The following ETV6 variants were observed in gnomAD, a reference collection of about 807,000 sequenced individuals.
ETV6 encodes the protein transcription factor ETV6.
In ETV6, 16 loss-of-function variants were observed where a neutral mutation model predicts 51.1. That is an observed-to-expected ratio of 0.31 (90% confidence interval 0.21 to 0.48). The LOEUF is 0.48. ETV6 is among the 20% of genes least tolerant of loss of function. ETV6 has a pLI of 0.99. For missense variants in ETV6, 458 were observed against 594.8 expected (o/e 0.77, Z 2.39); for synonymous variants, 240 against 224.1 (o/e 1.07, Z -0.64).
intron 5 of ETV6, among the ~76,000 whole-genome samples, chr12:11,877,180 C>CAA (rs1344491521): frequency 6.6e-6 from 1 of 152,208 alleles, no homozygotes; most frequent in Admixed American, 6.5e-5. Context: ...CAGTTTGAGG[C>CAA]TTATCCTCAG....
intron 2 of ETV6, among the ~76,000 whole-genome samples, chr12:11,831,370 C>T (rs923625062): frequency 2.6e-5 from 4 of 152,122 alleles, no homozygotes; most frequent in Non-Finnish European, 4.4e-5. Context: ...GGATTACAGG[C>T]GCCTGCCACC....
rs150101685 is a variant in ETV6, at chr12:11,862,790, G to A, written c.464-6634G>A. On this transcript the variant is annotated intron_variant, in intron 4 of 7. Coordinates refer to ENST00000396373, the MANE Select transcript of ETV6 (RefSeq NM_001987.5). ...ACTAGGGGTTAGGACTTCAACTTAT[G>A]AATTTTGGGGGAGAGATAGTCAACC... 9.5e-3 allele frequency among the ~76,000 whole-genome samples: 1,447 copies of A among 152,292 alleles called. 13 individuals carry two copies. Among genetic ancestry groups the A allele is most frequent in the African/African-American group, 0.033 (1,362 of 41,558 alleles).
intron 2 of ETV6, among the ~76,000 whole-genome samples, chr12:11,824,652 G>A (rs140757546): frequency 1.1e-4 from 17 of 152,334 alleles, no homozygotes; most frequent in Non-Finnish European, 2.4e-4. Context: ...GGTGATGCAT[G>A]CCTGTAATCC....
At chr12:11,762,577 T>C (rs1472791922) in intron 2 of ETV6, among the ~76,000 whole-genome samples, 1 of 152,190 alleles carries the variant, frequency 6.6e-6, no homozygotes, top group Non-Finnish European at 1.5e-5. Context: ...AAAAGCACAG[T>C]TGGCAAGGGA....
intron 2 of ETV6, among the ~76,000 whole-genome samples, chr12:11,777,405 TAGA>T (rs1945345798): frequency 6.6e-6 from 1 of 152,022 alleles, no homozygotes; most frequent in Non-Finnish European, 1.5e-5. Context: ...TATCTCTAGG[TAGA>T]AGGATTGTGG....
chr12:11,749,349 A>ACACACC lies in ETV6; in HGVS notation c.34-3100_34-3099insACACCC, dbSNP rs1555123226. On this transcript the variant is annotated intron_variant, in intron 1 of 7. Coordinates refer to ENST00000396373, the MANE Select transcript of ETV6 (RefSeq NM_001987.5). Reference sequence around the variant, plus strand: ...CACACACACACACACACACACACACACCCCTACTCCCCATAATGTTAAAAG... The same window carrying ACACACC: ...CACACACACACACACACACACACACACACACCCCCCTACTCCCCATAATGTTAAAAG... Among the ~76,000 whole-genome samples, 4 of 123,668 alleles carry ACACACC rather than the reference A, an allele frequency of 3.2e-5. No homozygotes were observed. The East Asian group carries it at 9.4e-4, about 29-fold the overall frequency. The allele number at this position is 123,668 out of a possible 152,430, so 81.1% of individuals were successfully genotyped here. A position where few individuals can be genotyped will look rare whatever the true frequency, so the allele number is the denominator to read the frequency against.
chr12:11,783,640 G>A (rs1239734760), intron 2 of ETV6, among the ~76,000 whole-genome samples: 1 of 152,152 alleles, frequency 6.6e-6, no homozygotes, highest in African/African-American at 2.4e-5. Context: ...GTGATTTATG[G>A]AACAGAGTCC....
At chr12:11,788,949 C>T (rs1945533072) in intron 2 of ETV6, among the ~76,000 whole-genome samples, 2 of 152,010 alleles carry the variant, frequency 1.3e-5, no homozygotes, top group South Asian at 4.1e-4. Context: ...GTCACCTACT[C>T]TTTTATGGTT....
chr12:11,773,325 A>AT (rs905131547), intron 2 of ETV6, among the ~76,000 whole-genome samples: 13 of 151,194 alleles, frequency 8.6e-5, no homozygotes, highest in East Asian at 1.9e-4. Flanking sequence ...ATATATATAA[A>AT]TTTTTTTTTA....
intron 5 of ETV6, among the ~76,000 whole-genome samples, chr12:11,883,923 C>T (rs1947145769): frequency 1.3e-5 from 2 of 152,218 alleles, no homozygotes; most frequent in Non-Finnish European, 2.9e-5. Flanking sequence ...ACTCCTCACT[C>T]CTTTTTGCTG....
chr12:11,707,002 T>C (rs769175262), intron 1 of ETV6, among the ~76,000 whole-genome samples: 35 of 152,200 alleles, frequency 2.3e-4, no homozygotes, highest in Non-Finnish European at 4.0e-4. Context: ...AAGGGTCTAT[T>C]GTTCCCAGGG....
intron 2 of ETV6, among the ~76,000 whole-genome samples, chr12:11,793,401 A>G (rs1481761679): frequency 6.6e-6 from 1 of 152,248 alleles, no homozygotes; most frequent in Non-Finnish European, 1.5e-5. Flanking sequence ...TGCCTGGCCC[A>G]TAGGACTTTA....
At chr12:11,754,408 C>G (rs747639306) in intron 2 of ETV6, among the ~76,000 whole-genome samples, 4 of 152,196 alleles carry the variant, frequency 2.6e-5, no homozygotes, top group Non-Finnish European at 5.9e-5. Flanking sequence ...AGGAGGCCCT[C>G]GCTCCTGGTT....
Position 11,792,900 on chromosome 12 carries a change from A to G in ETV6, c.163+40321A>G, listed in dbSNP as rs1388530669. 4.6e-5 allele frequency among the ~76,000 whole-genome samples: 7 copies of G among 152,280 alleles called. 1 individual carries two copies. The South Asian group carries it at 1.2e-3, about 27-fold the overall frequency. On this transcript the variant is annotated intron_variant, in intron 2 of 7. Coordinates refer to ENST00000396373, the MANE Select transcript of ETV6 (RefSeq NM_001987.5). ...TTTATTTGAGCAACTTACTTTATTA[A>G]TAGCAACTTCTTGTTTAACTAGAGC...
chr12:11,678,549 G>A (rs1351341984), intron 1 of ETV6, among the ~76,000 whole-genome samples: 3 of 152,108 alleles, frequency 2.0e-5, no homozygotes, highest in Non-Finnish European at 4.4e-5. Context: ...TTTCTGCTCC[G>A]ATTATATCCC....
intron 2 of ETV6, among the ~76,000 whole-genome samples, chr12:11,779,552 C>T (rs1945381998): frequency 6.6e-6 from 1 of 152,170 alleles, no homozygotes; most frequent in Admixed American, 6.5e-5. Flanking sequence ...GAAATATTTC[C>T]AGGATTGAAA....
chr12:11,664,147 G>T (rs1864152935), intron 1 of ETV6, among the ~76,000 whole-genome samples: 1 of 152,290 alleles, frequency 6.6e-6, no homozygotes, highest in East Asian at 1.9e-4. Context: ...TGACATAGTT[G>T]AACATCAGTC....
chr12:11,703,908 T>C (rs1202329707), intron 1 of ETV6, among the ~76,000 whole-genome samples: 4 of 152,140 alleles, frequency 2.6e-5, no homozygotes, highest in Admixed American at 2.6e-4. Context: ...ACCCTTGGAG[T>C]GTAAGAGTCA....
intron 2 of ETV6, among the ~76,000 whole-genome samples, chr12:11,757,814 C>T (rs1447984828): frequency 6.6e-6 from 1 of 152,202 alleles, no homozygotes; most frequent in Non-Finnish European, 1.5e-5. Flanking sequence ...TGAAGTTGTG[C>T]TGAATCCTCA....
Sources: allele counts gnomAD v4.1 joint callset (sites outside exome capture counted in the v4.1 genomes callset), GRCh38; gene constraint gnomAD v4.1.1; transcripts MANE v1.5; gene names NCBI Gene and HGNC (gene_info 2026-07-23, HGNC 2026-07-21).